Variants in ZNF385D observed in about 807,000 individuals in gnomAD.
ZNF385D encodes the protein zinc finger protein 659.
Under a neutral mutation model 35.8 loss-of-function variants are expected in ZNF385D, and 15 were observed. That is an observed-to-expected ratio of 0.42 (90% CI 0.28 to 0.64). ZNF385D has a LOEUF of 0.64. ZNF385D is among the 30% of genes least tolerant of loss of function. ZNF385D has a pLI of 0.23. For missense variants in ZNF385D, 474 were observed against 494.6 expected, an observed-to-expected ratio of 0.96 and a Z score of 0.39; for synonymous variants, 212 against 186.8, an observed-to-expected ratio of 1.13 and a Z score of -1.10.
chr3:21,900,605 T>A (rs1481948452), intron 3 of ZNF385D, among the ~76,000 whole-genome samples: 1 of 152,078 alleles, frequency 6.6e-6, no homozygotes, highest in Non-Finnish European at 1.5e-5. Context: ...GGGGCCAGAA[T>A]AAGAACTGAC....
intron 3 of ZNF385D, among the ~76,000 whole-genome samples, chr3:22,071,924 G>C (rs141565433): frequency 6.6e-6 from 1 of 152,076 alleles, no homozygotes; most frequent in Admixed American, 6.6e-5. Flanking sequence ...TTAATACAAT[G>C]GTCTTGCAAG....
intron 3 of ZNF385D, among the ~76,000 whole-genome samples, chr3:21,784,317 C>G (rs1370056012): frequency 2.6e-5 from 4 of 152,160 alleles, no homozygotes; most frequent in Admixed American, 2.6e-4. Flanking sequence ...ATTTACTTAC[C>G]TTTTGGTGTT....
intron 2 of ZNF385D, among the ~76,000 whole-genome samples, chr3:22,236,037 G>C (rs13082189): frequency 6.6e-6 from 1 of 151,944 alleles, no homozygotes; most frequent in Non-Finnish European, 1.5e-5. Flanking sequence ...AACATTGATT[G>C]TAACAGCAAG....
chr3:22,206,150 A>T (rs981133937), intron 2 of ZNF385D, among the ~76,000 whole-genome samples: 1 of 152,060 alleles, frequency 6.6e-6, no homozygotes, highest in African/African-American at 2.4e-5. Flanking sequence ...CAGACAAAAT[A>T]GATATCAAGA....
At chr3:21,671,048 T>G (rs574497934) in intron 1 of ZNF385D, among the ~76,000 whole-genome samples, 8 of 152,206 alleles carry the variant, frequency 5.3e-5, no homozygotes, top group African/African-American at 1.9e-4. Flanking sequence ...CGCCATTTTT[T>G]GAACACAGGT....
intron 3 of ZNF385D, among the ~76,000 whole-genome samples, chr3:21,952,676 C>T (rs76189304): frequency 0.026 from 3,916 of 151,980 alleles, 524 homozygotes; most frequent in Admixed American, 0.21. Flanking sequence ...TGGCCTAAAA[C>T]AGTCACTTAA....
chr3:21,706,986 G>A (rs946061586), intron 1 of ZNF385D, among the ~76,000 whole-genome samples: 1 of 152,082 alleles, frequency 6.6e-6, no homozygotes, highest in Non-Finnish European at 1.5e-5. Context: ...ACATCTACGG[G>A]AACAATTTGA....
At chr3:22,153,977 A>T (rs372835379) in intron 3 of ZNF385D, among the ~76,000 whole-genome samples, 5 of 152,138 alleles carry the variant, frequency 3.3e-5, no homozygotes, top group African/African-American at 1.2e-4. Context: ...TCCCATTTAG[A>T]TAACTCATCA....
chr3:22,301,096 A>G (rs1271758605), intron 2 of ZNF385D, among the ~76,000 whole-genome samples: 2 of 152,066 alleles, frequency 1.3e-5, no homozygotes, highest in African/African-American at 4.8e-5. Flanking sequence ...AATATTATGC[A>G]GCCCTTAAGA....
Position 21,905,229 on chromosome 3 carries a change from C to CT in ZNF385D, c.326-240202_326-240201insA, listed in dbSNP as rs869104783. ...CCAAAAAAAAAAAAAAAAAAAAAAA[C>CT]CCTAAACCTGCCTTTATTATTTTTA... is the stretch of plus-strand genomic sequence containing the variant. On this transcript the variant is annotated intron_variant, in intron 3 of 5. Transcript: ENST00000494108. Among the ~76,000 whole-genome samples the CT allele has an allele frequency of 4.6e-5, 4 of 87,260 alleles. No homozygotes were observed. The East Asian group carries it at 1.1e-3, about 25-fold the overall frequency. The allele number at this position is 87,260 out of a possible 152,430, so 57.2% of individuals were successfully genotyped here. A position where few individuals can be genotyped will look rare whatever the true frequency, so the allele number is the denominator to read the frequency against.
chr3:21,482,834 A>G (rs1403220246), intron 4 of ZNF385D, among the ~76,000 whole-genome samples: 1 of 152,042 alleles, frequency 6.6e-6, no homozygotes, highest in African/African-American at 2.4e-5. Context: ...CTTAATTTTT[A>G]CTTTGAAATA....
chr3:21,846,422 A>T (rs890218912), intron 3 of ZNF385D, among the ~76,000 whole-genome samples: 1 of 152,056 alleles, frequency 6.6e-6, no homozygotes, highest in Non-Finnish European at 1.5e-5. Context: ...TAGGGAAATT[A>T]CTGAATTATT....
In ZNF385D at chr3:21,975,702, AATAT is replaced by A. The variant is rs56303677; in HGVS notation, c.325+193111_325+193114del. On this transcript the variant is annotated intron_variant, in intron 3 of 5. Coordinates refer to the ZNF385D transcript ENST00000494108. ...ATATATACCTATTATGTACCCACGA[AATAT>A]ATATATATATATATATATATATATA... Among the ~76,000 whole-genome samples, 200 of 123,796 alleles carry A rather than the reference AATAT, an allele frequency of 1.6e-3. 1 individual carries two copies. The highest frequency in any genetic ancestry group is 9.8e-3 in the South Asian group (36 of 3,678). 81.2% of individuals were successfully genotyped at this position (123,796 alleles called of 152,430 possible).
intron 4 of ZNF385D, among the ~76,000 whole-genome samples, chr3:21,472,327 C>G (rs774800909): frequency 6.6e-6 from 1 of 151,992 alleles, no homozygotes; most frequent in Non-Finnish European, 1.5e-5. Context: ...ACAAGAAGTG[C>G]GCCTAATGGC....
chr3:21,973,379 A>G (rs1488960827), intron 3 of ZNF385D, among the ~76,000 whole-genome samples: 4 of 151,952 alleles, frequency 2.6e-5, no homozygotes, highest in Non-Finnish European at 5.9e-5. Flanking sequence ...CCTTCATAAT[A>G]AAAAACTCTG....
chr3:22,327,932 CATCT>C (rs1187728294), intron 2 of ZNF385D, among the ~76,000 whole-genome samples: 1 of 152,180 alleles, frequency 6.6e-6, no homozygotes, highest in Non-Finnish European at 1.5e-5. Flanking sequence ...AATATGAAAA[CATCT>C]ATCATCTGGA....
intron 3 of ZNF385D, among the ~76,000 whole-genome samples, chr3:22,069,054 AATTAT>A (rs1700106714): frequency 1.3e-5 from 2 of 152,188 alleles, no homozygotes; most frequent in South Asian, 4.1e-4. Flanking sequence ...ACATCTCTAA[AATTAT>A]ATGTGTTCAA....
chr3:22,272,550 A>G (rs1158180596), intron 2 of ZNF385D, among the ~76,000 whole-genome samples: 1 of 152,016 alleles, frequency 6.6e-6, no homozygotes, highest in Non-Finnish European at 1.5e-5. Context: ...CTTTTTATTT[A>G]TGAAAGCAGC....
chr3:22,000,605 T>TG (rs36011870), intron 3 of ZNF385D, among the ~76,000 whole-genome samples: 16,319 of 151,400 alleles, frequency 0.11, 1,166 homozygotes, highest in South Asian at 0.26. Flanking sequence ...CCTTTCACTT[T>TG]GAAAAAAAAA....
Sources: gnomAD v4.1 joint callset for allele counts (sites outside exome capture counted in the v4.1 genomes callset) on GRCh38, gnomAD v4.1.1 for gene constraint, MANE v1.5 for transcripts, NCBI Gene and HGNC (gene_info 2026-07-23, HGNC 2026-07-21) for gene names.